Variants in SP4 observed in about 807,000 individuals in gnomAD.
SP4 encodes the protein transcription factor Sp4.
Under a neutral mutation model 72.8 loss-of-function variants are expected in SP4, and 19 were observed. That is an observed-to-expected ratio of 0.26 (90% CI 0.18 to 0.38). SP4 has a LOEUF of 0.38. Among genes scored for constraint, SP4 ranks in the 10% least tolerant of loss-of-function variants. The pLI is 1.00. For missense variants in SP4, 1,008 were observed against 926.3 expected (o/e 1.09, Z -1.14); for synonymous variants, 395 against 333.1 (o/e 1.19, Z -2.02).
intron 3 of SP4, among the ~76,000 whole-genome samples, chr7:21,435,341 G>T (rs1013429961): frequency 6.6e-6 from 1 of 151,840 alleles, no homozygotes; most frequent in Admixed American, 6.6e-5. Flanking sequence ...TGAAACCTGG[G>T]GATATAGTAT....
rs11299447 is a variant in SP4, at chr7:21,464,581, A to ATTT, written c.1679-12484_1679-12482dup. The stretch of plus-strand genomic sequence containing the variant: ...ATCTTTGTTTAAAAATCTATTTTCT[A>ATTT]TTTTTTTTTTTTTTTTAGAGATGGG... On this transcript the variant is annotated intron_variant, in intron 3 of 5. Transcript: ENST00000222584. 3.0e-3 allele frequency among the ~76,000 whole-genome samples: 425 copies of ATTT among 142,364 alleles called. 4 individuals are homozygous for ATTT. The highest frequency in any genetic ancestry group is 0.01 in the African/African-American group (390 of 38,566). 93.4% of individuals were successfully genotyped at this position (142,364 alleles called of 152,430 possible). A position where few individuals can be genotyped will look rare whatever the true frequency, so the allele number is the denominator to read the frequency against.
intron 3 of SP4, among the ~76,000 whole-genome samples, chr7:21,431,426 T>A (rs1782850626): frequency 6.6e-6 from 1 of 152,240 alleles, no homozygotes; most frequent in African/African-American, 2.4e-5. Context: ...CTTTTATGCC[T>A]ACTTTTATGC....
intron 5 of SP4, among the ~76,000 whole-genome samples, chr7:21,507,927 A>G (rs1782043882): frequency 6.6e-6 from 1 of 151,846 alleles, no homozygotes; most frequent in African/African-American, 2.4e-5. Flanking sequence ...CACTTGCTTC[A>G]TATCTAGGGT....
intron 3 of SP4, among the ~76,000 whole-genome samples, chr7:21,466,220 T>A (rs549449894): frequency 6.6e-6 from 1 of 152,308 alleles, no homozygotes; most frequent in Non-Finnish European, 1.5e-5. Flanking sequence ...TCCAGCAGCA[T>A]TAAGCACATA....
chr7:21,475,596 T>G (rs776388744), intron 3 of SP4, among the ~76,000 whole-genome samples: 60 of 152,236 alleles, frequency 3.9e-4, no homozygotes, highest in South Asian at 3.7e-3. Context: ...AGCGAGTAGC[T>G]GGGACTACAG....
chr7:21,473,500 A>G (rs1462790225), intron 3 of SP4, among the ~76,000 whole-genome samples: 4 of 152,244 alleles, frequency 2.6e-5, no homozygotes, highest in Admixed American at 2.0e-4. Context: ...AATAGGCAAG[A>G]TCCCTACTTT....
intron 3 of SP4, among the ~76,000 whole-genome samples, chr7:21,464,671 T>G (rs957119562): frequency 3.3e-5 from 5 of 152,002 alleles, no homozygotes; most frequent in African/African-American, 1.2e-4. Context: ...AGTCTCAGCC[T>G]TCTGAGTAGC....
rs939143600 is a variant in SP4 at position 21,512,902 on chromosome 7, T to C, written c.*1633T>C. On this transcript the variant is annotated 3_prime_UTR_variant, in exon 6 of 6. Transcript: ENST00000222584. ...CTAGGAAAGATGGCCAAAAGTTTCA[T>C]ATGAAAAAAATTGGATTATAAACCA... 5.2e-5 allele frequency: 8 copies of C among 152,566 alleles called. No individual in the cohort carries two copies. 9.5% of individuals were successfully genotyped at this position (152,566 alleles called of 1,614,324 possible).
At chr7:21,485,311 A>C (rs1784783978) in intron 5 of SP4, among the ~76,000 whole-genome samples, 1 of 151,972 alleles carries the variant, frequency 6.6e-6, no homozygotes, top group Non-Finnish European at 1.5e-5. Context: ...TCACTGCTGA[A>C]AATAGTGATC....
At chr7:21,477,794 G>A (rs1490281440) in intron 4 of SP4, among the ~76,000 whole-genome samples, 1 of 152,096 alleles carries the variant, frequency 6.6e-6, no homozygotes, top group African/African-American at 2.4e-5. Context: ...ACCCACCTCA[G>A]CCCCCCAAGT....
Position 21,472,289 on chromosome 7 carries a change from G to C in SP4, c.1679-4790G>C, listed in dbSNP as rs541655968. Among the ~76,000 whole-genome samples, 8 of 152,016 alleles carry C rather than the reference G, an allele frequency of 5.3e-5. No homozygotes were observed. The South Asian group carries it at 1.7e-3, about 32-fold the overall frequency. ...ATTTTGTTTGATTGTTTGTTTGTTTGTTTGTTTTTGAGAGGGACTTTCTCT... is the reference window on the plus strand; with the variant it reads ...ATTTTGTTTGATTGTTTGTTTGTTTCTTTGTTTTTGAGAGGGACTTTCTCT... On this transcript the variant is annotated intron_variant, in intron 3 of 5. Coordinates refer to ENST00000222584, the MANE Select transcript of SP4 (RefSeq NM_003112.5).
chr7:21,465,045 G>C (rs972679657), intron 3 of SP4, among the ~76,000 whole-genome samples: 4 of 152,166 alleles, frequency 2.6e-5, no homozygotes, highest in African/African-American at 9.7e-5. Context: ...TTTAAAGAAA[G>C]TATTCATATC....
chr7:21,511,403 G>A lies in SP4; in HGVS notation c.*134G>A. On this transcript the variant is annotated 3_prime_UTR_variant, in exon 6 of 6. Transcript: ENST00000222584. ...TCTTGGCTTCTTTAAGTATTCCAGG[G>A]TTTGGGGTCAACACGTGAAGTGTTG... 1.1e-6 allele frequency: 1 copy of A among 925,722 alleles called. No homozygotes were observed. The highest frequency in any genetic ancestry group is 1.6e-6 in the Non-Finnish European group (1 of 624,710). The allele number at this position is 925,722 out of a possible 1,614,324, so 57.3% of individuals were successfully genotyped here.
At chr7:21,441,151 G>T (rs1169226005) in intron 3 of SP4, among the ~76,000 whole-genome samples, 3 of 152,194 alleles carry the variant, frequency 2.0e-5, no homozygotes, top group African/African-American at 7.2e-5. Flanking sequence ...AACAAGAAAG[G>T]CTTTTTCTGG....
At chr7:21,458,455 A>G (rs1187545201) in intron 3 of SP4, among the ~76,000 whole-genome samples, 1 of 152,152 alleles carries the variant, frequency 6.6e-6, no homozygotes, top group Non-Finnish European at 1.5e-5. Flanking sequence ...AAGTGCTGGG[A>G]GTACAGCCGT....
Position 21,474,026 on chromosome 7 carries a change from T to C in SP4, c.1679-3053T>C, listed in dbSNP as rs1784421512. On this transcript the variant is annotated intron_variant, in intron 3 of 5. Transcript: ENST00000222584. The stretch of plus-strand genomic sequence containing the variant: ...CTTCAATATACAAACTCAAATATAA[T>C]TTGCCTCTGTTATTCATTGAAATAA... Among the ~76,000 whole-genome samples the C allele has an allele frequency of 2.0e-5, 3 of 152,292 alleles. No individual in the cohort carries two copies. The South Asian group carries it at 6.2e-4, about 32-fold the overall frequency.
chr7:21,489,055 T>C (rs1784901772), intron 5 of SP4, among the ~76,000 whole-genome samples: 1 of 152,180 alleles, frequency 6.6e-6, no homozygotes. Context: ...AAAAAATCCT[T>C]TTCAAAAGAG....
rs540910237 is a variant in SP4, at chr7:21,456,155, T to G, written c.1679-20924T>G. Among the ~76,000 whole-genome samples the G allele has an allele frequency of 1.6e-4, 25 of 152,284 alleles. No individual in the cohort carries two copies. The East Asian group carries it at 4.4e-3, about 27-fold the overall frequency. On this transcript the variant is annotated intron_variant, in intron 3 of 5. Coordinates refer to ENST00000222584, the MANE Select transcript of SP4 (RefSeq NM_003112.5). ...CCTAAAGGAGGAACCTCTGGAGCACTTGGGGCTTGGGGTGAGAACTCACAA... is the reference window on the plus strand; with the variant it reads ...CCTAAAGGAGGAACCTCTGGAGCACGTGGGGCTTGGGGTGAGAACTCACAA...
At chr7:21,449,564 TAA>T (rs1315766691) in intron 3 of SP4, among the ~76,000 whole-genome samples, 1 of 152,244 alleles carries the variant, frequency 6.6e-6, no homozygotes, top group South Asian at 2.1e-4. Context: ...TACATATGTT[TAA>T]GTATACGTGT....
Sources: gnomAD v4.1 joint callset for allele counts (sites outside exome capture counted in the v4.1 genomes callset) on GRCh38, gnomAD v4.1.1 for gene constraint, MANE v1.5 for transcripts, NCBI Gene and HGNC (gene_info 2026-07-23, HGNC 2026-07-21) for gene names.